The following KDM4C variants were observed in gnomAD, a reference collection of about 807,000 sequenced individuals.
KDM4C encodes lysine demethylase 4C, also known as lysine-specific demethylase 4C.
KDM4C carries 81 observed loss-of-function variants against 129.3 expected under a neutral mutation model. The observed-to-expected ratio is 0.63, with a 90% confidence interval of 0.52 to 0.75. The LOEUF (loss-of-function observed/expected upper bound fraction) is 0.75, where lower values mean the gene tolerates loss of function less well. Among genes scored for constraint, KDM4C ranks in the 30% least tolerant of loss-of-function variants. The pLI is 0.00. For synonymous variants in KDM4C, 573 were observed against 456.1 expected (o/e 1.26, Z -3.26); for missense variants, 1,457 against 1,304.0 (o/e 1.12, Z -1.81).
chr9:6,760,859 A>T (rs1192555182), intron 1 of KDM4C, among the ~76,000 whole-genome samples: 2 of 151,944 alleles, frequency 1.3e-5, no homozygotes, highest in Non-Finnish European at 2.9e-5. Flanking sequence ...GGCGTGAGCC[A>T]CCGTGCCTGG....
At chr9:6,967,183 G>A (rs1831135681) in intron 8 of KDM4C, among the ~76,000 whole-genome samples, 1 of 152,130 alleles carries the variant, frequency 6.6e-6, no homozygotes, top group African/African-American at 2.4e-5. Flanking sequence ...CAGCACTTGG[G>A]GAGGCCAAGG....
chr9:7,033,496 A>G (rs1463638991), intron 15 of KDM4C, among the ~76,000 whole-genome samples: 2 of 152,158 alleles, frequency 1.3e-5, no homozygotes, highest in Non-Finnish European at 2.9e-5. Flanking sequence ...GGTAATAATT[A>G]TTTCACTTTA....
chr9:6,721,135 G>C, intron 1 of KDM4C: 1 of 697,868 alleles, frequency 1.4e-6, no homozygotes, highest in East Asian at 2.9e-5. Context: ...GGGCAGTGGT[G>C]CAATCACACC....
chr9:7,017,885 T>C (rs1367619925), intron 15 of KDM4C, among the ~76,000 whole-genome samples: 1 of 152,234 alleles, frequency 6.6e-6, no homozygotes, highest in Non-Finnish European at 1.5e-5. Context: ...GAGAGTGGTG[T>C]CTTTCTGGAT....
intron 1 of KDM4C, among the ~76,000 whole-genome samples, chr9:6,726,777 C>A (rs1446861928): frequency 2.0e-5 from 3 of 152,160 alleles, no homozygotes; most frequent in East Asian, 1.9e-4. Context: ...GCTCTGTCTC[C>A]TAGGCTGGAG....
intron 15 of KDM4C, among the ~76,000 whole-genome samples, chr9:7,023,521 T>A (rs1043222051): frequency 9.9e-5 from 15 of 152,246 alleles, no homozygotes; most frequent in Middle Eastern, 3.4e-3. Context: ...TATTTTGATC[T>A]TCTCTCCTTT....
chr9:6,909,173 A>G lies in KDM4C; in HGVS notation c.921+15941A>G, dbSNP rs534681332. ...ATTAGAAAGTAAAGAATGTAATTCTATAATCAGCTACATATGGATAGGCAG... is the reference window on the plus strand; with the variant it reads ...ATTAGAAAGTAAAGAATGTAATTCTGTAATCAGCTACATATGGATAGGCAG... On this transcript the variant is annotated intron_variant, in intron 8 of 21. Transcript: ENST00000381309. Among the ~76,000 whole-genome samples the G allele has an allele frequency of 7.8e-4, 119 of 152,380 alleles. 1 individual carries two copies. Among genetic ancestry groups the G allele is most frequent in the African/African-American group, 2.8e-3 (115 of 41,590 alleles).
rs546162522 is a variant in KDM4C, at chr9:7,108,168, C to CATGT, written c.2610+4299_2610+4302dup. On this transcript the variant is annotated intron_variant, in intron 18 of 21. Coordinates refer to ENST00000381309, the MANE Select transcript of KDM4C (RefSeq NM_015061.6). The stretch of plus-strand genomic sequence containing the variant: ...GTTATTCCACCATCTGGCCCTCTTC[C>CATGT]ATGTGTCTTCTAACTCTCATCTCAG... 1.7e-3 allele frequency among the ~76,000 whole-genome samples: 252 copies of CATGT among 152,236 alleles called. 2 individuals are homozygous for CATGT. The highest frequency in any genetic ancestry group is 7.2e-3 in the Admixed American group (110 of 15,276).
chr9:6,867,379 A>G (rs988527331), intron 5 of KDM4C, among the ~76,000 whole-genome samples: 3 of 152,180 alleles, frequency 2.0e-5, no homozygotes, highest in Non-Finnish European at 2.9e-5. Context: ...GCTTGCTTCT[A>G]TAGCACCATT....
chr9:6,876,379 A>G (rs1424360320), intron 5 of KDM4C, among the ~76,000 whole-genome samples: 2 of 152,138 alleles, frequency 1.3e-5, no homozygotes, highest in African/African-American at 2.4e-5. Context: ...GCTCCTAAAT[A>G]TGACTCAGTC....
chr9:7,116,173 C>G (rs1318449144), intron 18 of KDM4C, among the ~76,000 whole-genome samples: 1 of 152,110 alleles, frequency 6.6e-6, no homozygotes, highest in East Asian at 1.9e-4. Flanking sequence ...GTGAAACTTT[C>G]TTCTTTGCAA....
rs114379763 is a variant in KDM4C, at chr9:7,021,829, G to C, written c.2259+5900G>C. On this transcript the variant is annotated intron_variant, in intron 15 of 21. Transcript: ENST00000381309. ...TGCAGTCCATTTTGATTTGATTTTTGTATATGGGAAGAGATAGGGGTCAAG... is the reference window on the plus strand; with the variant it reads ...TGCAGTCCATTTTGATTTGATTTTTCTATATGGGAAGAGATAGGGGTCAAG... Among the ~76,000 whole-genome samples the C allele has an allele frequency of 8.5e-3, 1,295 of 152,194 alleles. 20 individuals are homozygous for C. Among genetic ancestry groups the C allele is most frequent in the African/African-American group, 0.029 (1,199 of 41,508 alleles).
chr9:6,972,941 C>T (rs549204642), intron 8 of KDM4C, among the ~76,000 whole-genome samples: 1 of 152,224 alleles, frequency 6.6e-6, no homozygotes, highest in East Asian at 1.9e-4. Context: ...GAGTTTAATA[C>T]ATCTGTCTTT....
At chr9:7,168,206 C>CA (rs934894155) in intron 20 of KDM4C, among the ~76,000 whole-genome samples, 5 of 150,384 alleles carry the variant, frequency 3.3e-5, no homozygotes, top group South Asian at 2.1e-4. Flanking sequence ...AACCAAAAAC[C>CA]AAAAAAAAAT....
intron 17 of KDM4C, among the ~76,000 whole-genome samples, chr9:7,089,551 C>T (rs1272441658): frequency 2.6e-5 from 4 of 152,174 alleles, no homozygotes; most frequent in Non-Finnish European, 5.9e-5. Flanking sequence ...CACTGCTTAT[C>T]GCTGCAGCCT....
chr9:6,838,472 C>G (rs1311058966), intron 4 of KDM4C, among the ~76,000 whole-genome samples: 3 of 152,188 alleles, frequency 2.0e-5, no homozygotes, highest in Non-Finnish European at 4.4e-5. Flanking sequence ...TAACTTCACA[C>G]TATCAGTAGT....
intron 2 of KDM4C, among the ~76,000 whole-genome samples, chr9:6,802,912 C>T (rs62567988): frequency 0.13 from 19,936 of 152,042 alleles, 1,659 homozygotes; most frequent in African/African-American, 0.22. Context: ...TGGCCTAGGC[C>T]GTTATATTTA....
chr9:6,939,914 C>G (rs921958018), intron 8 of KDM4C, among the ~76,000 whole-genome samples: 1 of 152,004 alleles, frequency 6.6e-6, no homozygotes, highest in Non-Finnish European at 1.5e-5. Flanking sequence ...GTAGAAACCA[C>G]TTTTTATTTT....
At chr9:7,129,822 G>T (rs1840423629) in intron 19 of KDM4C, among the ~76,000 whole-genome samples, 1 of 152,118 alleles carries the variant, frequency 6.6e-6, no homozygotes, top group African/African-American at 2.4e-5. Flanking sequence ...CATGAACTCA[G>T]TTCATCCTCA....
Sources: allele counts gnomAD v4.1 joint callset (sites outside exome capture counted in the v4.1 genomes callset), GRCh38; gene constraint gnomAD v4.1.1; transcripts MANE v1.5; gene names NCBI Gene and HGNC (gene_info 2026-07-23, HGNC 2026-07-21).